Variants in DCDC2C observed in about 807,000 individuals in gnomAD.
DCDC2C encodes the protein doublecortin domain containing 2C, also known as doublecortin domain-containing protein 2C.
Under a neutral mutation model 45.0 loss-of-function variants are expected in DCDC2C, and 44 were observed. That is an observed-to-expected ratio of 0.98 (90% CI 0.77 to 1.26). The LOEUF (loss-of-function observed/expected upper bound fraction) is 1.26, where lower values mean the gene tolerates loss of function less well. Ranked by LOEUF, DCDC2C falls within the 50% of genes most tolerant of loss-of-function variation. The probability of loss-of-function intolerance (pLI) is 0.00; values close to 1 mark genes in which losing one functional copy is unlikely to be tolerated. For synonymous variants in DCDC2C, 187 were observed against 178.8 expected (o/e 1.05, Z -0.37); for missense variants, 447 against 468.9 (o/e 0.95, Z 0.43).
At chr2:3,807,152 T>C (rs1424316050) in intron 10 of DCDC2C, among the ~76,000 whole-genome samples, 2 of 152,152 alleles carry the variant, frequency 1.3e-5, no homozygotes, top group Non-Finnish European at 2.9e-5. Context: ...GGCAAATGTA[T>C]ACAAATATGT....
At chr2:3,715,856 T>A (rs966365926) in intron 2 of DCDC2C, among the ~76,000 whole-genome samples, 1 of 152,218 alleles carries the variant, frequency 6.6e-6, no homozygotes, top group Admixed American at 6.5e-5. Context: ...AAACAAAATC[T>A]ATACAATATA....
Position 3,752,761 on chromosome 2 carries a change from A to T in DCDC2C, c.546-2A>T. ...TCTCATTTCTTCTTTCTGTTTTTAC[A>T]GATTATTTACAATGAATGGGCATCT... On this transcript the variant is annotated splice_acceptor_variant, in intron 4 of 10. Transcript: ENST00000399143. LOFTEE classifies it high-confidence loss of function. 6.4e-7 allele frequency: 1 copy of T among 1,550,412 alleles called. No individual in the cohort carries two copies. The highest frequency in any genetic ancestry group is 8.7e-7 in the Non-Finnish European group (1 of 1,146,858).
chr2:3,820,531 C>G (rs1338193470), intron 10 of DCDC2C, among the ~76,000 whole-genome samples: 2 of 152,180 alleles, frequency 1.3e-5, no homozygotes, highest in Admixed American at 6.5e-5. Flanking sequence ...CCGTGGTGAT[C>G]AGACACCAAT....
chr2:3,799,236 A>C (rs1238697879), intron 10 of DCDC2C, among the ~76,000 whole-genome samples: 2 of 152,082 alleles, frequency 1.3e-5, no homozygotes, highest in East Asian at 3.9e-4. Context: ...TCCTTTAAGC[A>C]CTTCTCTGTA....
intron 10 of DCDC2C, among the ~76,000 whole-genome samples, chr2:3,840,794 A>G (rs932950054): frequency 2.6e-5 from 4 of 152,200 alleles, no homozygotes; most frequent in African/African-American, 9.6e-5. Context: ...TGTGTGATGT[A>G]GGGCACGGTG....
At chr2:3,824,473 G>GGTAAACA in intron 10 of DCDC2C, among the ~76,000 whole-genome samples, 1 of 152,342 alleles carries the variant, frequency 6.6e-6, no homozygotes, top group East Asian at 1.9e-4. Flanking sequence ...TAGAGACTGA[G>GGTAAACA]GTAAACAGTC....
chr2:3,751,069 G>T (rs1669529130), intron 4 of DCDC2C, among the ~76,000 whole-genome samples: 1 of 152,138 alleles, frequency 6.6e-6, no homozygotes, highest in Non-Finnish European at 1.5e-5. Flanking sequence ...TCTGTTTTAT[G>T]GTTTCATATT....
intron 10 of DCDC2C, among the ~76,000 whole-genome samples, chr2:3,835,029 G>A (rs1388829860): frequency 2.0e-5 from 3 of 152,222 alleles, no homozygotes; most frequent in African/African-American, 7.2e-5. Context: ...TAGAAAGTAG[G>A]TTTTAAATCC....
chr2:3,704,099 G>C lies in DCDC2C; in HGVS notation c.287+61G>C, dbSNP rs1158692986. 11 of 1,216,946 alleles carry C rather than the reference G, an allele frequency of 9.0e-6. No homozygotes were observed. In the African/African-American group the frequency reaches 1.1e-4, roughly 12 times the overall value. The allele number at this position is 1,216,946 out of a possible 1,614,324, so 75.4% of individuals were successfully genotyped here. On this transcript the variant is annotated intron_variant, in intron 1 of 10. Coordinates refer to ENST00000399143, the MANE Select transcript of DCDC2C (RefSeq NM_001287444.2). ...CCTCCCCGCCCTCTTGGGTCTGAGC[G>C]TGGTCAGGGCCGTGCCCCCCAGGTG...
intron 9 of DCDC2C, among the ~76,000 whole-genome samples, chr2:3,780,202 G>C (rs1231419256): frequency 2.0e-5 from 3 of 152,138 alleles, no homozygotes; most frequent in Non-Finnish European, 4.4e-5. Flanking sequence ...ATTTGTCTTA[G>C]AGCATTAGGC....
At chr2:3,830,923 CT>C (rs1190303327) in intron 10 of DCDC2C, among the ~76,000 whole-genome samples, 1 of 152,162 alleles carries the variant, frequency 6.6e-6, no homozygotes, top group African/African-American at 2.4e-5. Flanking sequence ...CACTCACTTC[CT>C]GTATGGCATT....
chr2:3,831,999 T>C (rs968262751), intron 10 of DCDC2C, among the ~76,000 whole-genome samples: 1 of 152,200 alleles, frequency 6.6e-6, no homozygotes, highest in African/African-American at 2.4e-5. Context: ...CAGGAATCAG[T>C]GTCTCCTGGC....
At chr2:3,824,876 T>C (rs539970084) in intron 10 of DCDC2C, among the ~76,000 whole-genome samples, 2 of 152,252 alleles carry the variant, frequency 1.3e-5, no homozygotes, top group Admixed American at 1.3e-4. Flanking sequence ...TTCTCAGTGG[T>C]CCTGCCTCTT....
Position 3,730,581 on chromosome 2 carries a change from G to GC in DCDC2C, c.416+3508dup, listed in dbSNP as rs530961804. Among the ~76,000 whole-genome samples the GC allele has an allele frequency of 1.6e-4, 24 of 152,204 alleles. No individual in the cohort carries two copies. The East Asian group carries it at 3.3e-3, about 21-fold the overall frequency. ...CTTCTAGTGAGCAAAGGCAGCCCCCGCCCCCCGAGCTTCCACAGCCCTTCC... is the reference window on the plus strand; with the variant it reads ...CTTCTAGTGAGCAAAGGCAGCCCCCGCCCCCCCGAGCTTCCACAGCCCTTCC... On this transcript the variant is annotated intron_variant, in intron 3 of 10. Coordinates refer to ENST00000399143, the MANE Select transcript of DCDC2C (RefSeq NM_001287444.2).
Position 3,825,100 on chromosome 2 carries a change from G to A in DCDC2C, c.1066-22054G>A, listed in dbSNP as rs116984100. On this transcript the variant is annotated intron_variant, in intron 10 of 10. Coordinates refer to ENST00000399143, the MANE Select transcript of DCDC2C (RefSeq NM_001287444.2). ...GAGGGCCCTGAGGTTTCCTGCGGCA[G>A]TGGGCTCCTTTCCAGCCTTGCATCA... 2.1e-3 allele frequency among the ~76,000 whole-genome samples: 318 copies of A among 152,294 alleles called. 10 individuals carry two copies. In the East Asian group the frequency reaches 0.055, roughly 26 times the overall value.
At chr2:3,840,357 C>T (rs562937417) in intron 10 of DCDC2C, among the ~76,000 whole-genome samples, 1 of 152,288 alleles carries the variant, frequency 6.6e-6, no homozygotes, top group Non-Finnish European at 1.5e-5. Context: ...CAGCTCGCTG[C>T]CCGCTGTGAA....
chr2:3,815,291 CCT>C (rs1558239845), intron 10 of DCDC2C, among the ~76,000 whole-genome samples: 1 of 152,196 alleles, frequency 6.6e-6, no homozygotes, highest in Non-Finnish European at 1.5e-5. Flanking sequence ...GCTCCCCTGC[CCT>C]GTGTGGCTCT....
chr2:3,811,144 G>T (rs1353926519), intron 10 of DCDC2C, among the ~76,000 whole-genome samples: 1 of 152,136 alleles, frequency 6.6e-6, no homozygotes, highest in Non-Finnish European at 1.5e-5. Context: ...GATGAGAAGG[G>T]CATTGAATCT....
chr2:3,798,239 C>T (rs1202402858), intron 10 of DCDC2C, among the ~76,000 whole-genome samples: 1 of 152,052 alleles, frequency 6.6e-6, no homozygotes, highest in Non-Finnish European at 1.5e-5. Flanking sequence ...CTTCCTCCAT[C>T]CTTTTGTTTT....
Sources: allele counts gnomAD v4.1 joint callset (sites outside exome capture counted in the v4.1 genomes callset), GRCh38; gene constraint gnomAD v4.1.1; transcripts MANE v1.5; gene names NCBI Gene and HGNC (gene_info 2026-07-23, HGNC 2026-07-21).